The following LIN28B variants were observed in gnomAD, a reference collection of about 807,000 sequenced individuals.
The protein encoded by LIN28B is protein lin-28 homolog B.
In LIN28B, 5 loss-of-function variants were observed where a neutral mutation model predicts 21.9. That is an observed-to-expected ratio of 0.23 (90% CI 0.12 to 0.48). The LOEUF (loss-of-function observed/expected upper bound fraction) is 0.48. Among genes scored for constraint, LIN28B ranks in the 20% least tolerant of loss-of-function variants. The probability of loss-of-function intolerance (pLI) is 0.98; values close to 1 mark genes in which losing one functional copy is unlikely to be tolerated. For synonymous variants in LIN28B, 109 were observed against 111.3 expected (o/e 0.98, Z 0.13); for missense variants, 245 against 310.5 (o/e 0.79, Z 1.58).
chr6:105,044,047 T>C (rs1010582630), intron 3 of LIN28B, among the ~76,000 whole-genome samples: 1 of 152,210 alleles, frequency 6.6e-6, no homozygotes, highest in African/African-American at 2.4e-5. Flanking sequence ...TGCCTTTGTG[T>C]TTTACCTATT....
chr6:105,050,952 T>C (rs1411863292), intron 3 of LIN28B, among the ~76,000 whole-genome samples: 1 of 151,236 alleles, frequency 6.6e-6, no homozygotes, highest in Non-Finnish European at 1.5e-5. Flanking sequence ...TGGTGGCTCA[T>C]GGCTGTAATC....
chr6:105,038,697 T>C (rs541703133), intron 3 of LIN28B, among the ~76,000 whole-genome samples: 67 of 152,140 alleles, frequency 4.4e-4, no homozygotes, highest in Admixed American at 8.5e-4. Context: ...AAAGTTAGAG[T>C]GGGAAAAGAT....
At chr6:105,002,997 G>C (rs1195108678) in intron 2 of LIN28B, among the ~76,000 whole-genome samples, 1 of 152,160 alleles carries the variant, frequency 6.6e-6, no homozygotes, top group Non-Finnish European at 1.5e-5. Context: ...CTAACTTGTT[G>C]TAAGACTTCG....
chr6:105,048,197 A>T (rs541002620), intron 3 of LIN28B, among the ~76,000 whole-genome samples: 1 of 152,330 alleles, frequency 6.6e-6, no homozygotes, highest in African/African-American at 2.4e-5. Flanking sequence ...CGTCCCATCA[A>T]TACCTAATTT....
chr6:104,991,319 G>A (rs898375482), intron 2 of LIN28B, among the ~76,000 whole-genome samples: 5 of 150,080 alleles, frequency 3.3e-5, no homozygotes, highest in Non-Finnish European at 5.9e-5. Context: ...GCGCGGAGGG[G>A]CTCCTCACCT....
At chr6:104,938,455 A>G (rs1335791256) in intron 2 of LIN28B, among the ~76,000 whole-genome samples, 1 of 152,112 alleles carries the variant, frequency 6.6e-6, no homozygotes, top group Non-Finnish European at 1.5e-5. Flanking sequence ...CGTGGGCAAC[A>G]TGGTGAAACC....
intron 2 of LIN28B, among the ~76,000 whole-genome samples, chr6:104,988,925 G>A (rs975792121): frequency 6.6e-6 from 1 of 152,008 alleles, no homozygotes; most frequent in Non-Finnish European, 1.5e-5. Context: ...TGCAAGTTGT[G>A]TTTTTCAGGG....
chr6:105,078,300 G>C, intron 3 of LIN28B, 114 bp from the exon 4 acceptor site: 1 of 934,522 alleles, frequency 1.1e-6, no homozygotes, highest in Admixed American at 2.3e-5. Flanking sequence ...CTTTTAAGAA[G>C]GCACATTAAA....
intron 3 of LIN28B, among the ~76,000 whole-genome samples, chr6:105,038,342 A>G (rs1771565814): frequency 2.0e-5 from 3 of 152,192 alleles, no homozygotes; most frequent in Admixed American, 1.3e-4. Context: ...ACATGTGACT[A>G]TGAAAAGGGA....
chr6:105,018,336 A>C (rs457286), intron 2 of LIN28B, among the ~76,000 whole-genome samples: 73,657 of 151,984 alleles, frequency 0.48, 19,757 homozygotes, highest in East Asian at 0.69. Context: ...CTTGCATTTT[A>C]CAACCTCATT....
At chr6:105,014,616 C>G (rs1369918563) in intron 2 of LIN28B, among the ~76,000 whole-genome samples, 2 of 152,196 alleles carry the variant, frequency 1.3e-5, no homozygotes, top group African/African-American at 4.8e-5. Context: ...GCCACTGCAC[C>G]TGGCCTTAAA....
rs145241219 is a variant in LIN28B, at chr6:104,973,060, G to A, written c.198+14774G>A. 3.3e-4 allele frequency among the ~76,000 whole-genome samples: 50 copies of A among 151,476 alleles called. No homozygotes were observed. In the East Asian group the frequency reaches 9.3e-3, roughly 28 times the overall value. ...TGGGAGTCAGAGGTTGCAGCGAGCC[G>A]AGATTGTGCCACTGCACTCCAGCCT... On this transcript the variant is annotated intron_variant, in intron 2 of 3. Transcript: ENST00000345080.
chr6:105,043,365 A>G (rs1348581775), intron 3 of LIN28B, among the ~76,000 whole-genome samples: 2 of 147,784 alleles, frequency 1.4e-5, no homozygotes, highest in African/African-American at 5.1e-5. Flanking sequence ...AAAAAAAAAA[A>G]AAAAAAAGAA....
chr6:104,963,782 G>C (rs371523285), intron 2 of LIN28B, among the ~76,000 whole-genome samples: 1 of 152,112 alleles, frequency 6.6e-6, no homozygotes, highest in African/African-American at 2.4e-5. Flanking sequence ...TTAGCCTTTG[G>C]TGTTGCATGT....
chr6:105,042,865 T>C (rs559690749), intron 3 of LIN28B, among the ~76,000 whole-genome samples: 2 of 152,296 alleles, frequency 1.3e-5, no homozygotes, highest in East Asian at 1.9e-4. Flanking sequence ...AGTACAGAGG[T>C]GGCTTTTAGC....
At chr6:104,955,647 ATG>A (rs1778275627), upstream of LIN28B, among the ~76,000 whole-genome samples, 1 of 147,586 alleles carries the variant, frequency 6.8e-6, no homozygotes, top group Non-Finnish European at 1.5e-5. Context: ...TGGAGTGTGG[ATG>A]TGTTTGAAGA....
At chr6:105,034,513 T>C (rs1429268737) in intron 3 of LIN28B, among the ~76,000 whole-genome samples, 1 of 152,034 alleles carries the variant, frequency 6.6e-6, no homozygotes, top group Admixed American at 6.6e-5. Context: ...GGAATTTCTT[T>C]AGTTTGATCA....
chr6:105,078,596 C>T lies in LIN28B; in HGVS notation c.566C>T (p.Ser189Leu). 6.2e-7 allele frequency: 1 copy of T among 1,614,132 alleles called. No individual in the cohort carries two copies. The highest frequency in any genetic ancestry group is 8.5e-7 in the Non-Finnish European group (1 of 1,180,020). ...RQEAESQPCT[S>L]TLPREVGGGH... is the part of the protein sequence containing the mutation. ...GAAGCAGAATCCCAGCCATGCACTT[C>T]AACTCTCCCTCGAGAAGTGGGAGGC... The change falls in exon 4 of 4, where the codon TCA (serine) becomes TTA (leucine). Residue 189 changes from serine to leucine, a missense_variant. By Grantham distance (145) the Ser-to-Leu change is moderately radical. Coordinates refer to ENST00000345080, the MANE Select transcript of LIN28B (RefSeq NM_001004317.4).
chr6:104,942,904 T>A (rs1778113452), intron 2 of LIN28B, among the ~76,000 whole-genome samples: 1 of 69,790 alleles, frequency 1.4e-5, no homozygotes, highest in Non-Finnish European at 2.8e-5. Context: ...TATAGGTGCT[T>A]CTCAATAGAT....
Sources: allele counts gnomAD v4.1 joint callset (sites outside exome capture counted in the v4.1 genomes callset), GRCh38; gene constraint gnomAD v4.1.1; transcripts MANE v1.5; gene names NCBI Gene and HGNC (gene_info 2026-07-23, HGNC 2026-07-21).